C11orf65: variants seen among roughly 807,000 people sequenced by gnomAD.
C11orf65 encodes protein MFI.
In C11orf65, 38 loss-of-function variants were observed where a neutral mutation model predicts 35.3. The observed-to-expected ratio is 1.08, with a 90% CI of 0.83 to 1.41. The LOEUF is 1.41. C11orf65 is among the 40% of genes most tolerant of loss of function. The pLI, the probability that C11orf65 is intolerant of heterozygous loss-of-function variation, is 0.00. For missense variants in C11orf65, 370 were observed against 367.1 expected (o/e 1.01, Z -0.06); for synonymous variants, 105 against 114.4 (o/e 0.92, Z 0.53).
intron 3 of C11orf65, among the ~76,000 whole-genome samples, chr11:108,332,465 G>T (rs1228642925): frequency 6.6e-6 from 1 of 151,646 alleles, no homozygotes; most frequent in Non-Finnish European, 1.5e-5. Flanking sequence ...ATTAAAATTG[G>T]TTCAAAATTC....
rs1252906835 is a variant in C11orf65, at chr11:108,326,079, C to G, written c.641-17008G>C. ...TCAGCTCCCTGAAAGGGCAATATTT[C>G]AAATTAAACAGTACAATTCAGTTAG... On this transcript the variant is annotated intron_variant, in intron 6 of 6. Transcript: ENST00000525729. 9 of 1,613,958 alleles carry G rather than the reference C, an allele frequency of 5.6e-6. No homozygotes were observed. In the Admixed American group the frequency reaches 1.3e-4, roughly 24 times the overall value.
downstream of C11orf65, among the ~76,000 whole-genome samples, chr11:108,382,135 C>T (rs1283335382): frequency 1.3e-5 from 2 of 152,166 alleles, no homozygotes; most frequent in Non-Finnish European, 2.9e-5. Flanking sequence ...TTACTGCAAC[C>T]TCCTGCGAGA....
At chr11:108,327,276 C>A, downstream of C11orf65, 1 of 271,232 alleles carries the variant, frequency 3.7e-6, no homozygotes, top group Non-Finnish European at 7.2e-6. Context: ...CTGGAGTTAC[C>A]CAACTTCCTT....
intron 7 of C11orf65, 26 bp from the exon 8 acceptor site, chr11:108,386,001 T>A: frequency 1.3e-6 from 2 of 1,592,374 alleles, no homozygotes; most frequent in Non-Finnish European, 8.6e-7. Flanking sequence ...GAGGATTCAT[T>A]AAATTTAATC....
At chr11:108,397,249 G>T (rs2092334487) in intron 6 of C11orf65, among the ~76,000 whole-genome samples, 1 of 150,506 alleles carries the variant, frequency 6.6e-6, no homozygotes, top group Non-Finnish European at 1.5e-5. Context: ...GAACCCAGAG[G>T]CAGAGGTTGC....
At chr11:108,363,418 A>G (rs915881763) in intron 2 of C11orf65, among the ~76,000 whole-genome samples, 1 of 152,090 alleles carries the variant, frequency 6.6e-6, no homozygotes, top group African/African-American at 2.4e-5. Context: ...CTCCTCTAAG[A>G]TTTTATGTGT....
chr11:108,413,617 G>A (rs902483828), intron 3 of C11orf65, among the ~76,000 whole-genome samples: 3 of 152,160 alleles, frequency 2.0e-5, no homozygotes, highest in Non-Finnish European at 4.4e-5. Context: ...CTTAGAGGAA[G>A]CGCTTTCAAC....
chr11:108,379,793 GCTTTA>G (rs2091828137), downstream of C11orf65, among the ~76,000 whole-genome samples: 1 of 152,042 alleles, frequency 6.6e-6, no homozygotes, highest in Admixed American at 6.6e-5. Context: ...CAGGCCAGCT[GCTTTA>G]CTTTCTTACT....
chr11:108,312,573 C>T, intron 6 of C11orf65: 1 of 1,050,174 alleles, frequency 9.5e-7, no homozygotes, highest in Non-Finnish European at 1.5e-6. Context: ...AGACACTGTA[C>T]AGATGCCATG....
chr11:108,365,586 CT>C, intron 2 of C11orf65: 1 of 1,485,824 alleles, frequency 6.7e-7, no homozygotes, highest in Non-Finnish European at 9.2e-7. Context: ...TGCCAACATA[CT>C]TTAAGTAGGG....
chr11:108,461,407 A>G, intron 2 of C11orf65, 72 bp downstream of exon 2: 1 of 1,246,178 alleles, frequency 8.0e-7, no homozygotes, highest in Non-Finnish European at 1.1e-6. Context: ...CTTAAAAAAA[A>G]AAATTGAACT....
chr11:108,342,565 C>T (rs1352474346), intron 2 of C11orf65, among the ~76,000 whole-genome samples: 1 of 152,060 alleles, frequency 6.6e-6, no homozygotes, highest in African/African-American at 2.4e-5. Context: ...GTCAGTGAAG[C>T]ACACAAGGGG....
At chr11:108,312,977 T>C (rs978838433) in intron 6 of C11orf65, among the ~76,000 whole-genome samples, 2 of 152,198 alleles carry the variant, frequency 1.3e-5, no homozygotes, top group African/African-American at 4.8e-5. Flanking sequence ...TTTCAGCTTC[T>C]CCATTCTGCT....
At chr11:108,461,665 T>G in intron 1 of C11orf65, 97 bp from the exon 2 acceptor site, 1 of 809,922 alleles carries the variant, frequency 1.2e-6, no homozygotes, top group East Asian at 3.0e-5. Flanking sequence ...TCTTGCTCTG[T>G]CACCCAAGCT....
chr11:108,345,373 GTTCT>G (rs1358045386), intron 2 of C11orf65, among the ~76,000 whole-genome samples: 1 of 152,190 alleles, frequency 6.6e-6, no homozygotes, highest in Non-Finnish European at 1.5e-5. Flanking sequence ...GGATTCTTCT[GTTCT>G]TTCTCTTTTC....
intron 7 of C11orf65, among the ~76,000 whole-genome samples, chr11:108,388,762 A>G (rs1228470195): frequency 2.0e-5 from 3 of 152,236 alleles, no homozygotes; most frequent in South Asian, 2.1e-4. Context: ...AAGCCACGGT[A>G]GCTGTCCTGT....
chr11:108,380,874 ACTAT>A (rs939174485), downstream of C11orf65, among the ~76,000 whole-genome samples: 3 of 152,220 alleles, frequency 2.0e-5, no homozygotes, highest in African/African-American at 7.2e-5. Flanking sequence ...TATCAGAACC[ACTAT>A]CTAAGGACCT....
chr11:108,431,443 G>C (rs2092988696), intron 3 of C11orf65, among the ~76,000 whole-genome samples: 1 of 152,172 alleles, frequency 6.6e-6, no homozygotes, highest in Non-Finnish European at 1.5e-5. Context: ...GGAAATTAAA[G>C]TATTATGTTA....
chr11:108,316,327 G>C (rs1489728277), intron 6 of C11orf65, among the ~76,000 whole-genome samples: 1 of 152,194 alleles, frequency 6.6e-6, no homozygotes, highest in Non-Finnish European at 1.5e-5. Flanking sequence ...AGGAAAGTCA[G>C]ACAGGTCATT....
Sources: allele counts gnomAD v4.1 joint callset (sites outside exome capture counted in the v4.1 genomes callset), GRCh38; gene constraint gnomAD v4.1.1; transcripts MANE v1.5; gene names NCBI Gene and HGNC (gene_info 2026-07-23, HGNC 2026-07-21).